The following RANBP2 variants were observed in gnomAD, a reference collection of about 807,000 sequenced individuals.
RANBP2 encodes E3 SUMO-protein ligase RanBP2.
In RANBP2, 57 loss-of-function variants were observed where a neutral mutation model predicts 303.6. That is an observed-to-expected ratio of 0.19 (90% CI 0.15 to 0.23). The LOEUF (loss-of-function observed/expected upper bound fraction) is 0.23, where lower values mean the gene tolerates loss of function less well. Ranked by LOEUF, RANBP2 falls within the 10% of genes least tolerant of loss-of-function variation. RANBP2 has a pLI of 1.00. For synonymous variants in RANBP2, 1,167 were observed against 1,301.5 expected (o/e 0.90, Z 2.23); for missense variants, 3,138 against 3,780.8 (o/e 0.83, Z 4.46).
the RANBP2 span, among the ~76,000 whole-genome samples, chr2:109,305,747 G>A: frequency 2.0e-5 from 3 of 152,226 alleles, no homozygotes; most frequent in Non-Finnish European, 4.4e-5. Flanking sequence ...ATTCCAGGCA[G>A]TGTTCTCTGC....
At chr2:109,379,881 G>A in the RANBP2 span, among the ~76,000 whole-genome samples, 1 of 152,202 alleles carries the variant, frequency 6.6e-6, no homozygotes, top group African/African-American at 2.4e-5. Context: ...GGAGTGTGAT[G>A]TTGTGTCTAT....
At chr2:109,441,132 C>CAAAAAAAAAAAAAA in the RANBP2 span, among the ~76,000 whole-genome samples, 125 of 133,974 alleles carry the variant, frequency 9.3e-4, no homozygotes, top group African/African-American at 3.2e-3. Context: ...TATAGGAATA[C>CAAAAAAAAAAAAAA]AAAAAAAAAA....
the RANBP2 span, among the ~76,000 whole-genome samples, chr2:109,573,636 G>C: frequency 6.6e-6 from 1 of 152,112 alleles, no homozygotes; most frequent in Non-Finnish European, 1.5e-5. Context: ...GAACAACCTT[G>C]GATTTTTAAT....
downstream of RANBP2, chr2:108,788,874 A>G: frequency 6.2e-7 from 1 of 1,614,038 alleles, no homozygotes; most frequent in South Asian, 1.1e-5. Flanking sequence ...TCTACTCTGG[A>G]GATAAAGTTG....
chr2:108,956,863 A>G, the RANBP2 span, among the ~76,000 whole-genome samples: 6 of 151,338 alleles, frequency 4.0e-5, no homozygotes, highest in Admixed American at 3.3e-4. Context: ...ATCTCAGCAC[A>G]CCGCAACCTC....
the RANBP2 span, among the ~76,000 whole-genome samples, chr2:109,334,973 C>T: frequency 3.9e-5 from 6 of 152,248 alleles, no homozygotes; most frequent in Non-Finnish European, 7.3e-5. Context: ...CCAGGCCATG[C>T]GTCCTGGTGC....
the RANBP2 span, among the ~76,000 whole-genome samples, chr2:109,418,038 C>CT: frequency 6.6e-6 from 1 of 152,066 alleles, no homozygotes; most frequent in Non-Finnish European, 1.5e-5. Context: ...CTTGTAGTGC[C>CT]TTTCGCTCAC....
the RANBP2 span, chr2:109,545,385 C>A: frequency 6.5e-7 from 1 of 1,531,396 alleles, no homozygotes; most frequent in Non-Finnish European, 8.7e-7. Context: ...TAACACATAC[C>A]CCAAACCTAC....
the RANBP2 span, among the ~76,000 whole-genome samples, chr2:109,400,525 C>T: frequency 6.6e-6 from 1 of 151,776 alleles, no homozygotes; most frequent in Non-Finnish European, 1.5e-5. Context: ...AGGTGCACAC[C>T]TGCAGATACA....
At chr2:109,138,176 C>T in the RANBP2 span, among the ~76,000 whole-genome samples, 143 of 152,270 alleles carry the variant, frequency 9.4e-4, 1 homozygote, top group Middle Eastern at 3.4e-3. Flanking sequence ...CCACCACGCC[C>T]GGCTAACGCC....
chr2:108,950,170 T>C, the RANBP2 span, among the ~76,000 whole-genome samples: 1 of 152,104 alleles, frequency 6.6e-6, no homozygotes, highest in South Asian at 2.1e-4. Context: ...CCATCTAAGA[T>C]GTCATGTCTT....
intron 6 of RANBP2, among the ~76,000 whole-genome samples, chr2:108,737,281 G>C (rs2949974): frequency 6.7e-6 from 1 of 148,248 alleles, no homozygotes; most frequent in Non-Finnish European, 1.5e-5. Flanking sequence ...TTACATTTTT[G>C]TTAAGGACAT....
At chr2:108,908,714 C>A in the RANBP2 span, among the ~76,000 whole-genome samples, 7 of 152,210 alleles carry the variant, frequency 4.6e-5, no homozygotes, top group Admixed American at 3.3e-4. Context: ...TAAAACCATT[C>A]CAAGTATATG....
At chr2:108,831,750 G>A in the RANBP2 span, among the ~76,000 whole-genome samples, 2 of 98,736 alleles carry the variant, frequency 2.0e-5, no homozygotes, top group Non-Finnish European at 3.9e-5. Context: ...CCTTCCTGTT[G>A]AAACGAAGTT....
At chr2:108,928,493 C>T in the RANBP2 span, among the ~76,000 whole-genome samples, 8 of 152,334 alleles carry the variant, frequency 5.3e-5, no homozygotes, top group African/African-American at 1.7e-4. Flanking sequence ...GCCATCACCT[C>T]TCCCACCTGT....
At chr2:109,449,205 A>C in the RANBP2 span, 2 of 1,613,596 alleles carry the variant, frequency 1.2e-6, no homozygotes, top group Non-Finnish European at 1.7e-6. Context: ...GGACCGGCCA[A>C]CTGCCACCGT....
At chr2:109,210,543 G>A in the RANBP2 span, among the ~76,000 whole-genome samples, 1 of 152,290 alleles carries the variant, frequency 6.6e-6, no homozygotes, top group African/African-American at 2.4e-5. Flanking sequence ...GACATCTGGG[G>A]CTTTCAAGAG....
chr2:108,836,531 T>C, the RANBP2 span, among the ~76,000 whole-genome samples: 1 of 152,212 alleles, frequency 6.6e-6, no homozygotes, highest in Non-Finnish European at 1.5e-5. Context: ...GAAGTGGGAT[T>C]GCTAGATCAT....
At chr2:109,532,558 A>C in the RANBP2 span, among the ~76,000 whole-genome samples, 3 of 150,802 alleles carry the variant, frequency 2.0e-5, no homozygotes, top group Non-Finnish European at 4.4e-5. Flanking sequence ...AAGGGCCCTG[A>C]CCCCGGTGAG....
Sources: gnomAD v4.1 joint callset for allele counts (sites outside exome capture counted in the v4.1 genomes callset) on GRCh38, gnomAD v4.1.1 for gene constraint, MANE v1.5 for transcripts, NCBI Gene and HGNC (gene_info 2026-07-23, HGNC 2026-07-21) for gene names.